Variants in ZNF431 observed in about 807,000 individuals in gnomAD.
ZNF431 encodes the protein zinc finger protein 431.
In ZNF431, 34 loss-of-function variants were observed where a neutral mutation model predicts 57.0. The observed-to-expected ratio is 0.60, with a 90% CI of 0.45 to 0.79. The LOEUF (loss-of-function observed/expected upper bound fraction) is 0.79, where lower values mean the gene tolerates loss of function less well. ZNF431 is among the 30% of genes least tolerant of loss of function. The pLI, the probability that ZNF431 is intolerant of heterozygous loss-of-function variation, is 0.00. For synonymous variants in ZNF431, 207 were observed against 220.3 expected (o/e 0.94, Z 0.54); for missense variants, 607 against 667.1 (o/e 0.91, Z 0.99).
At chr19:21,175,918 T>C (rs892603242) in intron 4 of ZNF431, among the ~76,000 whole-genome samples, 5 of 152,250 alleles carry the variant, frequency 3.3e-5, no homozygotes, top group East Asian at 3.8e-4. Context: ...TAGAATGATT[T>C]ATATTCCTTT....
rs1971418603 is a variant in ZNF431 at position 21,187,999 on chromosome 19, C to G, written c.*3965C>G. 6.6e-6 allele frequency: 1 copy of G among 152,168 alleles called. No individual in the cohort carries two copies. Among genetic ancestry groups the G allele is most frequent in the Admixed American group, 6.5e-5 (1 of 15,276 alleles). 9.4% of individuals were successfully genotyped at this position (152,168 alleles called of 1,614,324 possible). On this transcript the variant is annotated 3_prime_UTR_variant, in exon 5 of 5. Transcript: ENST00000311048. Reference sequence around the variant, plus strand: ...AAAGGCAGCCAGGTGTGGCTCACGCCTGTAATCCCAGCACTGAGATAGGCC... The same window carrying G: ...AAAGGCAGCCAGGTGTGGCTCACGCGTGTAATCCCAGCACTGAGATAGGCC...
Position 21,189,731 on chromosome 19 carries a change from A to G in ZNF431, c.*5697A>G. 2.5e-6 allele frequency: 1 copy of G among 392,266 alleles called. No homozygotes were observed. The highest frequency in any genetic ancestry group is 4.5e-6 in the Non-Finnish European group (1 of 222,616). 24.3% of individuals were successfully genotyped at this position (392,266 alleles called of 1,614,324 possible). A position where few individuals can be genotyped will look rare whatever the true frequency, so the allele number is the denominator to read the frequency against. On this transcript the variant is annotated 3_prime_UTR_variant, in exon 5 of 5. Coordinates refer to ENST00000311048, the MANE Select transcript of ZNF431 (RefSeq NM_133473.4). Reference sequence around the variant, plus strand: ...TTTTACTCTCTACATCAATGGGATTAAGTTTTTTGGAATCCATGTGTAAGT... The same window carrying G: ...TTTTACTCTCTACATCAATGGGATTGAGTTTTTTGGAATCCATGTGTAAGT...
intron 2 of ZNF431, 34 bp downstream of exon 2, chr19:21,143,677 C>T (rs771610877): frequency 1.3e-6 from 2 of 1,521,248 alleles, no homozygotes; most frequent in Non-Finnish European, 9.1e-7. Flanking sequence ...TGTCTACGCC[C>T]AACCCAGCTT....
At chr19:21,170,530 A>G (rs2145007309) in intron 4 of ZNF431, among the ~76,000 whole-genome samples, 1 of 152,324 alleles carries the variant, frequency 6.6e-6, no homozygotes, top group African/African-American at 2.4e-5. Flanking sequence ...TAGGCACTCC[A>G]TATTACTAAG....
chr19:21,187,073 G>A lies in ZNF431; in HGVS notation c.*3039G>A, dbSNP rs763165674. The stretch of plus-strand genomic sequence containing the variant: ...TCCATAATAATTCATAAATATTCCT[G>A]CTGAAGTTAGTTTGTAACTTCAAGT... On this transcript the variant is annotated 3_prime_UTR_variant, in exon 5 of 5. Transcript: ENST00000311048. The A allele has an allele frequency of 5.3e-5, 8 of 152,074 alleles. No individual in the cohort carries two copies. Among genetic ancestry groups the A allele is most frequent in the Non-Finnish European group, 7.4e-5 (5 of 68,010 alleles). 9.4% of individuals were successfully genotyped at this position (152,074 alleles called of 1,614,324 possible). A position where few individuals can be genotyped will look rare whatever the true frequency, so the allele number is the denominator to read the frequency against.
chr19:21,162,924 C>G (rs1970615228), intron 2 of ZNF431, among the ~76,000 whole-genome samples: 1 of 151,774 alleles, frequency 6.6e-6, no homozygotes, highest in Non-Finnish European at 1.5e-5. Context: ...AAAAATTTCT[C>G]TAAACTACAT....
At chr19:21,157,703 T>A (rs973111397) in intron 2 of ZNF431, among the ~76,000 whole-genome samples, 3 of 151,816 alleles carry the variant, frequency 2.0e-5, no homozygotes, top group African/African-American at 7.3e-5. Flanking sequence ...GGCTAATTTT[T>A]TTGGATTTTT....
chr19:21,174,617 A>T (rs1246185636), intron 4 of ZNF431, among the ~76,000 whole-genome samples: 1 of 152,078 alleles, frequency 6.6e-6, no homozygotes, highest in Non-Finnish European at 1.5e-5. Context: ...TGGAATATAG[A>T]TTTTTTCAGT....
intron 4 of ZNF431, among the ~76,000 whole-genome samples, chr19:21,167,993 T>C (rs958054732): frequency 2.0e-5 from 3 of 152,160 alleles, no homozygotes; most frequent in Non-Finnish European, 4.4e-5. Flanking sequence ...CGCACAAATA[T>C]CTGTATAATT....
rs550159572 is a variant in ZNF431 at position 21,167,303 on chromosome 19, G to A, written c.224-268G>A. On this transcript the variant is annotated intron_variant, in intron 3 of 4. Coordinates refer to ENST00000311048, the MANE Select transcript of ZNF431 (RefSeq NM_133473.4). ...GCCTCTGGAGTTGCTGGGACTACAGGCACCTGCCACCATGCCCAGCTAATT... is the reference window on the plus strand; with the variant it reads ...GCCTCTGGAGTTGCTGGGACTACAGACACCTGCCACCATGCCCAGCTAATT... Among the ~76,000 whole-genome samples, 5 of 151,634 alleles carry A rather than the reference G, an allele frequency of 3.3e-5. No individual in the cohort carries two copies. The East Asian group carries it at 9.8e-4, about 30-fold the overall frequency.
At chr19:21,174,559 A>G (rs1031452694) in intron 4 of ZNF431, among the ~76,000 whole-genome samples, 4 of 152,148 alleles carry the variant, frequency 2.6e-5, no homozygotes, top group African/African-American at 7.2e-5. Flanking sequence ...AGCATATTAT[A>G]TACAATATAA....
intron 2 of ZNF431, among the ~76,000 whole-genome samples, chr19:21,159,554 G>T (rs938912167): frequency 6.6e-6 from 1 of 151,966 alleles, no homozygotes; most frequent in Non-Finnish European, 1.5e-5. Flanking sequence ...TGTATTTCTC[G>T]TAAAGACGGG....
intron 2 of ZNF431, among the ~76,000 whole-genome samples, chr19:21,154,164 C>T (rs1970355106): frequency 6.6e-6 from 1 of 152,088 alleles, no homozygotes; most frequent in Non-Finnish European, 1.5e-5. Context: ...CTAATGCTAT[C>T]CCTCCCCCCT....
rs138249393 is a variant in ZNF431, at chr19:21,183,366, C to A, written c.1063C>A (p.Arg355=). 3 of 1,613,040 alleles carry A rather than the reference C, an allele frequency of 1.9e-6. No individual in the cohort carries two copies. Among genetic ancestry groups the A allele is most frequent in the Non-Finnish European group, 1.7e-6 (2 of 1,179,712 alleles). ...TGAGGAATGTGACAAAGCTTTTAAT[C>A]GATTCTCATACCTTACTAAACATAA... ...KCEECDKAFN[R]FSYLTKHKII... The change falls in exon 5 of 5, where the codon CGA becomes AGA. Residue 355 remains arginine (R), a synonymous_variant. Transcript: ENST00000311048.
In ZNF431 at chr19:21,183,547, T is replaced by C. The variant is rs1971275087; in HGVS notation, c.1244T>C (p.Leu415Pro). 6.2e-7 allele frequency: 1 copy of C among 1,613,394 alleles called. No homozygotes were observed. The highest frequency in any genetic ancestry group is 1.3e-5 in the African/African-American group (1 of 74,970). ...CGKAFNESSN[L>P]TTHKMIHTGE... ...AAAGCCTTTAATGAGTCCTCAAACC[T>C]TACTACACATAAGATGATTCATACT... The change falls in exon 5 of 5, where the codon CTT (leucine) becomes CCT (proline). Residue 415 changes from leucine to proline, a missense_variant. By Grantham distance (98) the Leu-to-Pro change is moderately conservative. Coordinates refer to ENST00000311048, the MANE Select transcript of ZNF431 (RefSeq NM_133473.4).
intron 2 of ZNF431, among the ~76,000 whole-genome samples, chr19:21,159,246 T>C (rs1970506483): frequency 6.6e-6 from 1 of 152,208 alleles, no homozygotes; most frequent in South Asian, 2.1e-4. Context: ...TTCTTCAGTG[T>C]TCATCAAGGA....
chr19:21,163,127 T>C (rs914316587), intron 2 of ZNF431, among the ~76,000 whole-genome samples: 2 of 152,244 alleles, frequency 1.3e-5, no homozygotes, highest in African/African-American at 4.8e-5. Context: ...TAATGTGTTA[T>C]TCCCCACATA....
At chr19:21,165,396 T>C (rs1186026196) in intron 2 of ZNF431, among the ~76,000 whole-genome samples, 1 of 152,218 alleles carries the variant, frequency 6.6e-6, no homozygotes, top group African/African-American at 2.4e-5. Context: ...AAAATCATTA[T>C]TAAAATTATG....
chr19:21,183,540 T>G lies in ZNF431; in HGVS notation c.1237T>G (p.Ser413Ala), dbSNP rs754241964. 6.8e-6 allele frequency: 11 copies of G among 1,613,510 alleles called. No individual in the cohort carries two copies. The highest frequency in any genetic ancestry group is 1.7e-5 in the Admixed American group (1 of 60,000). ...EVCGKAFNES[S>A]NLTTHKMIHT... ...GTGTGGCAAAGCCTTTAATGAGTCC[T>G]CAAACCTTACTACACATAAGATGAT... Residue 413 changes from serine to alanine, a missense_variant, in exon 5 of 5, where the codon TCA (serine) becomes GCA (alanine). Coordinates refer to ENST00000311048, the MANE Select transcript of ZNF431 (RefSeq NM_133473.4).
Sources: gnomAD v4.1 joint callset for allele counts (sites outside exome capture counted in the v4.1 genomes callset) on GRCh38, gnomAD v4.1.1 for gene constraint, MANE v1.5 for transcripts, NCBI Gene and HGNC (gene_info 2026-07-23, HGNC 2026-07-21) for gene names.